Variants in TBC1D5 observed in about 807,000 individuals in gnomAD.
The protein encoded by TBC1D5 is TBC1 domain family, member 5.
TBC1D5 carries 75 observed loss-of-function variants against 100.3 expected under a neutral mutation model. That is an observed-to-expected ratio of 0.75 (90% CI 0.62 to 0.91). The LOEUF (loss-of-function observed/expected upper bound fraction) is 0.91. TBC1D5 is among the 40% of genes least tolerant of loss of function. The pLI, the probability that TBC1D5 is intolerant of heterozygous loss-of-function variation, is 0.00. For synonymous variants in TBC1D5, 323 were observed against 325.6 expected (o/e 0.99, Z 0.09); for missense variants, 910 against 942.4 (o/e 0.97, Z 0.45).
chr3:17,592,616 G>A (rs373374769), intron 2 of TBC1D5, among the ~76,000 whole-genome samples: 77 of 152,316 alleles, frequency 5.1e-4, no homozygotes, highest in African/African-American at 1.5e-3. Flanking sequence ...CTGAAAGGCT[G>A]CCAGTTTTGA....
rs150640545 is a variant in TBC1D5 at position 17,202,784 on chromosome 3, G to A, written c.1752+11423C>T. 9.2e-3 allele frequency among the ~76,000 whole-genome samples: 1,403 copies of A among 152,316 alleles called. 23 individuals are homozygous for A. Among genetic ancestry groups the A allele is most frequent in the African/African-American group, 0.032 (1,310 of 41,564 alleles). On this transcript the variant is annotated intron_variant, in intron 18 of 21. Coordinates refer to ENST00000253692, the Ensembl canonical transcript of TBC1D5. Reference sequence around the variant, plus strand: ...GCTTTCACATAGTGTTAAGCCTGTGGGTGTTGAGAGGACAAGAGTTGAGGC... The same window carrying A: ...GCTTTCACATAGTGTTAAGCCTGTGAGTGTTGAGAGGACAAGAGTTGAGGC...
chr3:17,688,742 A>G (rs536819594), intron 1 of TBC1D5, among the ~76,000 whole-genome samples: 13 of 152,178 alleles, frequency 8.5e-5, no homozygotes, highest in Non-Finnish European at 1.5e-4. Context: ...CTAACAATGT[A>G]CCCCGACATA....
chr3:17,721,811 T>G (rs938651598), intron 1 of TBC1D5, among the ~76,000 whole-genome samples: 1 of 151,870 alleles, frequency 6.6e-6, no homozygotes, highest in African/African-American at 2.4e-5. Flanking sequence ...CAAGACCCCA[T>G]CTCTACTAAA....
Position 17,287,638 on chromosome 3 carries a change from T to C in TBC1D5, c.1245+4257A>G, listed in dbSNP as rs576132330. 2.0e-5 allele frequency among the ~76,000 whole-genome samples: 3 copies of C among 152,336 alleles called. No homozygotes were observed. In the East Asian group the frequency reaches 5.8e-4, roughly 29 times the overall value. On this transcript the variant is annotated intron_variant, in intron 15 of 21. Coordinates refer to ENST00000253692, the Ensembl canonical transcript of TBC1D5. The stretch of plus-strand genomic sequence containing the variant: ...ATAGGGTTGTTGATTAATGTCAGAG[T>C]GCTTGGAAAACTATGAAGGAGTATG...
chr3:17,365,871 C>T (rs73145898), intron 13 of TBC1D5, among the ~76,000 whole-genome samples: 1,559 of 152,282 alleles, frequency 0.01, 34 homozygotes, highest in African/African-American at 0.035. Flanking sequence ...CTCAAGAGTT[C>T]AAAGCCTGGC....
rs564258314 is a variant in TBC1D5 at position 17,217,906 on chromosome 3, C to T, written c.1589-3536G>A. On this transcript the variant is annotated intron_variant, in intron 17 of 21. Transcript: ENST00000253692. ...TATTTTTTCTTTTGTTGCTTGTGCTCATAGTGTCATATCTAAGAAACTACT... is the reference window on the plus strand; with the variant it reads ...TATTTTTTCTTTTGTTGCTTGTGCTTATAGTGTCATATCTAAGAAACTACT... 5.0e-4 allele frequency among the ~76,000 whole-genome samples: 76 copies of T among 152,114 alleles called. No individual in the cohort carries two copies. The South Asian group carries it at 0.015, about 30-fold the overall frequency.
chr3:17,583,290 A>C (rs1476199446), intron 2 of TBC1D5, among the ~76,000 whole-genome samples: 1 of 152,128 alleles, frequency 6.6e-6, no homozygotes, highest in East Asian at 1.9e-4. Flanking sequence ...ATCTCAAAAA[A>C]ATAAAAGAAA....
At chr3:17,494,958 C>A (rs376263635) in intron 3 of TBC1D5, among the ~76,000 whole-genome samples, 4 of 152,234 alleles carry the variant, frequency 2.6e-5, no homozygotes, top group East Asian at 3.9e-4. Context: ...GAAAAATACA[C>A]GATTTCCCAG....
chr3:17,676,803 G>T (rs1205533705), intron 1 of TBC1D5, among the ~76,000 whole-genome samples: 1 of 152,096 alleles, frequency 6.6e-6, no homozygotes, highest in Non-Finnish European at 1.5e-5. Context: ...CCAAAACAGA[G>T]ATATAGACCA....
rs60889092 is a variant in TBC1D5 at position 17,591,233 on chromosome 3, C to CAAAAAAAAAAAAAA, written c.-36+32602_-36+32615dup. ...ACTGGGCTACAAAGAAAGGATCTGTCAAAAAAAAAAAAAAAAAAAAAAAAA... is the reference window on the plus strand; with the variant it reads ...ACTGGGCTACAAAGAAAGGATCTGTCAAAAAAAAAAAAAAAAAAAAAAAAAAAAAAAAAAAAAAA... On this transcript the variant is annotated intron_variant, in intron 2 of 21. Coordinates refer to ENST00000253692, the Ensembl canonical transcript of TBC1D5. Among the ~76,000 whole-genome samples the CAAAAAAAAAAAAAA allele has an allele frequency of 4.3e-3, 80 of 18,654 alleles. 15 individuals are homozygous for CAAAAAAAAAAAAAA. The highest frequency in any genetic ancestry group is 8.8e-3 in the Non-Finnish European group (63 of 7,122). The allele number at this position is 18,654 out of a possible 152,430, so 12.2% of individuals were successfully genotyped here.
intron 1 of TBC1D5, among the ~76,000 whole-genome samples, chr3:17,736,910 G>A (rs1315461912): frequency 6.6e-6 from 1 of 152,116 alleles, no homozygotes; most frequent in Non-Finnish European, 1.5e-5. Context: ...CCACTCAGGA[G>A]GCTGAGGCAG....
chr3:17,225,963 T>C (rs1284945297), intron 17 of TBC1D5, among the ~76,000 whole-genome samples: 2 of 152,028 alleles, frequency 1.3e-5, no homozygotes, highest in Non-Finnish European at 2.9e-5. Flanking sequence ...CCCTATACCA[T>C]TTTATATAAG....
chr3:17,557,901 G>A (rs113049778), intron 2 of TBC1D5, among the ~76,000 whole-genome samples: 3 of 152,130 alleles, frequency 2.0e-5, no homozygotes, highest in African/African-American at 7.2e-5. Flanking sequence ...CTGAATTTCT[G>A]GGAATGAGTC....
At chr3:17,604,595 T>C (rs1179677007) in intron 2 of TBC1D5, among the ~76,000 whole-genome samples, 1 of 152,200 alleles carries the variant, frequency 6.6e-6, no homozygotes, top group Non-Finnish European at 1.5e-5. Context: ...TTAGTCTATT[T>C]TCAGCTGTAC....
intron 21 of TBC1D5, among the ~76,000 whole-genome samples, chr3:17,164,310 T>C (rs946129463): frequency 3.0e-4 from 45 of 152,222 alleles, no homozygotes; most frequent in African/African-American, 8.0e-4. Flanking sequence ...CTGGCCCTTC[T>C]GCACTATCTT....
chr3:17,730,878 A>G (rs2076496529), intron 1 of TBC1D5, among the ~76,000 whole-genome samples: 1 of 152,188 alleles, frequency 6.6e-6, no homozygotes. Flanking sequence ...CAAAAGCATG[A>G]CATAGACTAA....
intron 2 of TBC1D5, among the ~76,000 whole-genome samples, chr3:17,550,641 C>T (rs1258342597): frequency 1.3e-5 from 2 of 151,708 alleles, no homozygotes; most frequent in African/African-American, 4.8e-5. Flanking sequence ...ACTGCATGGC[C>T]ACAATTAAAA....
At chr3:17,660,220 T>C (rs533406364) in intron 1 of TBC1D5, among the ~76,000 whole-genome samples, 2 of 152,320 alleles carry the variant, frequency 1.3e-5, no homozygotes, top group African/African-American at 4.8e-5. Flanking sequence ...AAAGCCATAG[T>C]ACTAATAAAA....
rs539898487 is a variant in TBC1D5, at chr3:17,607,315, T to C, written c.-36+16534A>G. Among the ~76,000 whole-genome samples, 18 of 152,310 alleles carry C rather than the reference T, an allele frequency of 1.2e-4. No homozygotes were observed. The South Asian group carries it at 2.7e-3, about 23-fold the overall frequency. ...TATCCTTATATAGCAGTGAATAAAA[T>C]TGGAATAAAATCCTTTTTAGAGCTT... On this transcript the variant is annotated intron_variant, in intron 2 of 21. Transcript: ENST00000253692.
Sources: allele counts gnomAD v4.1 joint callset (sites outside exome capture counted in the v4.1 genomes callset), GRCh38; gene constraint gnomAD v4.1.1; transcripts MANE v1.5; gene names NCBI Gene and HGNC (gene_info 2026-07-23, HGNC 2026-07-21).